MARCHF2: variants seen among roughly 807,000 people sequenced by gnomAD.
The protein encoded by MARCHF2 is membrane associated ring-CH-type finger 2.
In MARCHF2, 22 loss-of-function variants were observed where a neutral mutation model predicts 24.0. The observed-to-expected ratio is 0.92, with a 90% CI of 0.66 to 1.31. MARCHF2 has a LOEUF of 1.31. Ranked by LOEUF, MARCHF2 falls within the 50% of genes most tolerant of loss-of-function variation. The probability of loss-of-function intolerance (pLI) is 0.00; values close to 1 mark genes in which losing one functional copy is unlikely to be tolerated. For synonymous variants in MARCHF2, 154 were observed against 153.0 expected, an observed-to-expected ratio of 1.01 and a Z score of -0.05; for missense variants, 301 against 335.3, an observed-to-expected ratio of 0.90 and a Z score of 0.80.
intron 2 of MARCHF2, among the ~76,000 whole-genome samples, chr19:8,426,268 G>A (rs1017358771): frequency 2.0e-5 from 3 of 151,228 alleles, no homozygotes; most frequent in East Asian, 2.0e-4. Context: ...TGAGGGTGGG[G>A]AAGTTGTGCA....
At position 8,430,923 on chromosome 19, in the gene MARCHF2, G is replaced by C; in HGVS notation, c.582+56G>C. The C allele has an allele frequency of 6.6e-7, 1 of 1,506,846 alleles. No homozygotes were observed. The highest frequency in any genetic ancestry group is 1.2e-5 in the South Asian group (1 of 81,356). The allele number at this position is 1,506,846 out of a possible 1,614,324, so 93.3% of individuals were successfully genotyped here. A position where few individuals can be genotyped will look rare whatever the true frequency, so the allele number is the denominator to read the frequency against. ...TCGAGCTCTGCCGCTGGGAGCAGCA[G>C]GGCCAAGGATTTGGCCCCTGGCTTG... On this transcript the variant is annotated intron_variant, in intron 4 of 4. Coordinates refer to ENST00000215555, the MANE Select transcript of MARCHF2 (RefSeq NM_001005415.2). This position sits in a 1 kb window ranked among gnomAD's most constrained non-coding sequence, Gnocchi z 4.4.
At chr19:8,436,769 G>A (rs909928839) in intron 4 of MARCHF2, among the ~76,000 whole-genome samples, 6 of 132,414 alleles carry the variant, frequency 4.5e-5, no homozygotes, top group Middle Eastern at 4.9e-3. Context: ...CGCAGCCTCC[G>A]CACCCCTCCC....
At chr19:8,419,168 C>T (rs1313798697) in intron 1 of MARCHF2, among the ~76,000 whole-genome samples, 1 of 151,926 alleles carries the variant, frequency 6.6e-6, no homozygotes, top group African/African-American at 2.4e-5. Context: ...TGAGACCATC[C>T]TGGCCAACAT....
chr19:8,417,678 TC>T (rs571662171), intron 1 of MARCHF2, among the ~76,000 whole-genome samples: 1 of 149,694 alleles, frequency 6.7e-6, no homozygotes, highest in East Asian at 2.0e-4. Context: ...CTTCAGGTGA[TC>T]CGCCCGCCTC....
chr19:8,436,759 C>T (rs958689956), intron 4 of MARCHF2, among the ~76,000 whole-genome samples: 2 of 148,084 alleles, frequency 1.4e-5, no homozygotes, highest in South Asian at 2.1e-4. Flanking sequence ...CTCGGCTTAC[C>T]GCAGCCTCCG....
chr19:8,418,209 G>T (rs1345903746), intron 1 of MARCHF2, among the ~76,000 whole-genome samples: 3 of 152,184 alleles, frequency 2.0e-5, no homozygotes, highest in Non-Finnish European at 4.4e-5. Flanking sequence ...TGGTTGCAGG[G>T]ACTTGGGAGG....
At chr19:8,426,230 CAAA>C (rs71175854) in intron 2 of MARCHF2, among the ~76,000 whole-genome samples, 1 of 43,296 alleles carries the variant, frequency 2.3e-5, no homozygotes, top group South Asian at 9.7e-4. Context: ...GACTCTGTCT[CAAA>C]AAAAAAAAAA....
chr19:8,424,622 G>A (rs771568602), intron 2 of MARCHF2, among the ~76,000 whole-genome samples: 15 of 151,782 alleles, frequency 9.9e-5, no homozygotes, highest in Non-Finnish European at 2.1e-4. Context: ...AGCCGAGATC[G>A]CGCCACTGCA....
intron 1 of MARCHF2, among the ~76,000 whole-genome samples, chr19:8,419,588 GGGC>G (rs2145538493): frequency 1.4e-5 from 2 of 144,166 alleles, no homozygotes; most frequent in Non-Finnish European, 3.0e-5. Flanking sequence ...AGGCCGAGGC[GGGC>G]GGATCACGAG....
intron 1 of MARCHF2, among the ~76,000 whole-genome samples, chr19:8,419,339 C>CA (rs1260789215): frequency 5.9e-5 from 9 of 151,602 alleles, no homozygotes; most frequent in African/African-American, 2.2e-4. Flanking sequence ...ACTAAAAATA[C>CA]AAAAATTAGC....
rs779966566 is a variant in MARCHF2, at chr19:8,430,639, C to A, written c.373-19C>A. Reference sequence around the variant, plus strand: ...CTTCTCTGCCCCCTCTCCTCTGCCCCCTATCCTCTCCCCTGCAGTGGCTGA... The same window carrying A: ...CTTCTCTGCCCCCTCTCCTCTGCCCACTATCCTCTCCCCTGCAGTGGCTGA... On this transcript the variant is annotated intron_variant, in intron 3 of 4. Transcript: ENST00000215555. The surrounding 1 kb of genome is among the most constrained non-coding windows in gnomAD (Gnocchi z 4.4). 1.1e-5 allele frequency: 17 copies of A among 1,602,864 alleles called. No individual in the cohort carries two copies. The highest frequency in any genetic ancestry group is 1.4e-5 in the Non-Finnish European group (16 of 1,178,202).
At chr19:8,419,456 T>C (rs931011874) in intron 1 of MARCHF2, among the ~76,000 whole-genome samples, 1 of 151,694 alleles carries the variant, frequency 6.6e-6, no homozygotes, top group African/African-American at 2.4e-5. Context: ...ATCGCGCCAT[T>C]GCACTCCAGC....
At chr19:8,418,424 C>T (rs12150986) in intron 1 of MARCHF2, 111,408 of 152,306 alleles carry the variant, frequency 0.73, 41,152 homozygotes, top group African/African-American at 0.75. Flanking sequence ...AGCAGTGAAC[C>T]GTCCTAGCGC....
Position 8,421,382 on chromosome 19 carries a change from CTTTTT to C in MARCHF2, c.-52-393_-52-389del, listed in dbSNP as rs1254772289. On this transcript the variant is annotated intron_variant, in intron 1 of 4. Transcript: ENST00000215555. Reference sequence around the variant, plus strand: ...TTTTTTTTACTTTTTTCTTTCTTTTCTTTTTTTTTTTTTTTTTTGTATTTTTAGTA... The same window carrying C: ...TTTTTTTTACTTTTTTCTTTCTTTTCTTTTTTTTTTTTTGTATTTTTAGTA... Among the ~76,000 whole-genome samples, 6 of 111,616 alleles carry C rather than the reference CTTTTT, an allele frequency of 5.4e-5. No homozygotes were observed. In the South Asian group the frequency reaches 9.0e-4, roughly 17 times the overall value. The allele number at this position is 111,616 out of a possible 152,430, so 73.2% of individuals were successfully genotyped here. A position where few individuals can be genotyped will look rare whatever the true frequency, so the allele number is the denominator to read the frequency against.
At chr19:8,428,135 C>CATA (rs1194637132) in intron 3 of MARCHF2, among the ~76,000 whole-genome samples, 1 of 152,174 alleles carries the variant, frequency 6.6e-6, no homozygotes, top group African/African-American at 2.4e-5. Context: ...TTGCAGGTGC[C>CATA]TATAGTCCCA....
At chr19:8,424,330 A>T (rs567064595) in intron 2 of MARCHF2, among the ~76,000 whole-genome samples, 4 of 152,012 alleles carry the variant, frequency 2.6e-5, no homozygotes, top group African/African-American at 4.8e-5. Flanking sequence ...CACGGGCTTC[A>T]GGTGTGATTA....
Position 8,430,900 on chromosome 19 carries a change from G to A in MARCHF2, c.582+33G>A, listed in dbSNP as rs763904150. On this transcript the variant is annotated intron_variant, in intron 4 of 4. Coordinates refer to ENST00000215555, the MANE Select transcript of MARCHF2 (RefSeq NM_001005415.2). This position sits in a 1 kb window ranked among gnomAD's most constrained non-coding sequence, Gnocchi z 4.4. ...GCTGTGGTTGTGCAGCACGCGTCTC[G>A]AGCTCTGCCGCTGGGAGCAGCAGGG... The A allele has an allele frequency of 2.0e-6, 3 of 1,534,934 alleles. No homozygotes were observed. The highest frequency in any genetic ancestry group is 2.0e-5 in the Admixed American group (1 of 50,938).
Position 8,438,652 on chromosome 19 carries a change from C to A in MARCHF2, c.*106C>A. 1.6e-6 allele frequency: 2 copies of A among 1,278,240 alleles called. No homozygotes were observed. The highest frequency in any genetic ancestry group is 2.2e-6 in the Non-Finnish European group (2 of 924,828). 79.2% of individuals were successfully genotyped at this position (1,278,240 alleles called of 1,614,324 possible). A position where few individuals can be genotyped will look rare whatever the true frequency, so the allele number is the denominator to read the frequency against. Reference sequence around the variant, plus strand: ...AACACTTCCACTTCAACAGTTCCCGCACGGCCTGAACGCTTCTTAGGCCAA... The same window carrying A: ...AACACTTCCACTTCAACAGTTCCCGAACGGCCTGAACGCTTCTTAGGCCAA... On this transcript the variant is annotated 3_prime_UTR_variant, in exon 5 of 5. Coordinates refer to ENST00000215555, the MANE Select transcript of MARCHF2 (RefSeq NM_001005415.2).
rs1255109210 is a variant in MARCHF2, at chr19:8,430,868, G to C, written c.582+1G>C. 2 of 1,587,034 alleles carry C rather than the reference G, an allele frequency of 1.3e-6. No homozygotes were observed. The highest frequency in any genetic ancestry group is 1.3e-5 in the African/African-American group (1 of 74,654). On this transcript the variant is annotated splice_donor_variant, in intron 4 of 4. Coordinates refer to ENST00000215555, the MANE Select transcript of MARCHF2 (RefSeq NM_001005415.2). LOFTEE classifies it high-confidence loss of function. This position sits in a 1 kb window ranked among gnomAD's most constrained non-coding sequence, Gnocchi z 4.4. ...CACCATCTATGTCCTCTGGACGCTG[G>C]TGAGTGGCTGTGGTTGTGCAGCACG...
Sources: gnomAD v4.1 joint callset for allele counts (sites outside exome capture counted in the v4.1 genomes callset) on GRCh38, gnomAD v4.1.1 for gene constraint, Gnocchi (gnomAD v3.1) non-coding constraint, MANE v1.5 for transcripts, NCBI Gene and HGNC (gene_info 2026-07-23, HGNC 2026-07-21) for gene names.